Variants in RANBP17 observed in about 807,000 individuals in gnomAD.
RANBP17 encodes RAN binding protein 17, also known as ran-binding protein 17.
A neutral mutation model predicts 141.2 loss-of-function variants in RANBP17; 158 were observed. The ratio of observed to expected loss-of-function variants is 1.12; its 90% CI spans 0.98 to 1.28. The LOEUF is 1.28. Ranked by LOEUF, RANBP17 falls within the 50% of genes most tolerant of loss-of-function variation. The pLI is 0.00. For synonymous variants in RANBP17, 430 were observed against 450.0 expected, an observed-to-expected ratio of 0.96 and a Z score of 0.56; for missense variants, 1,438 against 1,290.7, an observed-to-expected ratio of 1.11 and a Z score of -1.75.
At chr5:170,868,417 TTTGTTGTTGTTG>T (rs371693546) in intron 1 of RANBP17, among the ~76,000 whole-genome samples, 1 of 151,510 alleles carries the variant, frequency 6.6e-6, no homozygotes, top group African/African-American at 2.4e-5. Flanking sequence ...CCTGGCTGAT[TTTGTTGTTGTTG>T]TTGTTGTTGT....
chr5:171,245,025 A>G (rs1048657970), intron 24 of RANBP17, among the ~76,000 whole-genome samples: 12 of 151,908 alleles, frequency 7.9e-5, no homozygotes, highest in Non-Finnish European at 1.5e-5. Context: ...GCTACCCAGG[A>G]GGCTGAAGCA....
chr5:171,212,182 A>G (rs1364172827), intron 20 of RANBP17, among the ~76,000 whole-genome samples: 1 of 152,174 alleles, frequency 6.6e-6, no homozygotes. Flanking sequence ...TTGAAATCTG[A>G]CATTCAAATA....
chr5:171,182,024 A>G (rs898908568), intron 16 of RANBP17, among the ~76,000 whole-genome samples: 1 of 152,192 alleles, frequency 6.6e-6, no homozygotes, highest in Non-Finnish European at 1.5e-5. Flanking sequence ...TCATGTTCCA[A>G]TGTGTTTTCC....
Position 170,878,277 on chromosome 5 carries a change from G to A in RANBP17, c.165+34G>A, listed in dbSNP as rs1255701480. On this transcript the variant is annotated intron_variant, in intron 2 of 27. Transcript: ENST00000523189. ...TTGGTAACAATGATTAACCATGAAA[G>A]ATCAGTAGATGTATGTCATTGTTAA... 1.9e-5 allele frequency: 30 copies of A among 1,550,066 alleles called. 1 individual carries two copies. In the Middle Eastern group the frequency reaches 5.2e-4, roughly 27 times the overall value.
chr5:170,880,774 A>T (rs1561850344), intron 2 of RANBP17, among the ~76,000 whole-genome samples: 1 of 152,222 alleles, frequency 6.6e-6, no homozygotes, highest in Non-Finnish European at 1.5e-5. Flanking sequence ...TAAAAATTAG[A>T]TATTTGAAGT....
At chr5:171,298,305 T>C (rs548194756) in intron 27 of RANBP17, among the ~76,000 whole-genome samples, 22 of 152,330 alleles carry the variant, frequency 1.4e-4, no homozygotes, top group African/African-American at 5.3e-4. Flanking sequence ...CCCCCTCTTT[T>C]TCAGCTACTA....
chr5:171,165,331 G>A (rs193083389), intron 14 of RANBP17, among the ~76,000 whole-genome samples: 2 of 151,684 alleles, frequency 1.3e-5, no homozygotes, highest in African/African-American at 4.8e-5. Flanking sequence ...ACAGGTACAC[G>A]CCACGACGCT....
chr5:171,112,694 A>G (rs1377819794), intron 14 of RANBP17, among the ~76,000 whole-genome samples: 1 of 151,988 alleles, frequency 6.6e-6, no homozygotes, highest in Non-Finnish European at 1.5e-5. Context: ...GCTTGTGGTA[A>G]CAATGACCTG....
chr5:171,145,335 C>T (rs1333625655), intron 14 of RANBP17, among the ~76,000 whole-genome samples: 2 of 152,120 alleles, frequency 1.3e-5, no homozygotes, highest in African/African-American at 4.8e-5. Flanking sequence ...GTCTCCAAAC[C>T]TTAGATCACC....
At chr5:171,240,413 G>A (rs1165292444) in intron 22 of RANBP17, among the ~76,000 whole-genome samples, 2 of 152,166 alleles carry the variant, frequency 1.3e-5, no homozygotes, top group Non-Finnish European at 2.9e-5. Context: ...AAGAACTTCT[G>A]TGTGTGTTAT....
chr5:171,290,439 T>C (rs1383993412), intron 25 of RANBP17, among the ~76,000 whole-genome samples: 1 of 152,008 alleles, frequency 6.6e-6, no homozygotes, highest in Non-Finnish European at 1.5e-5. Flanking sequence ...TCCAATTTGC[T>C]TTATGCTTGT....
At chr5:170,892,129 CTTTTTT>C (rs143842890) in intron 3 of RANBP17, among the ~76,000 whole-genome samples, 2 of 131,900 alleles carry the variant, frequency 1.5e-5, no homozygotes, top group Admixed American at 7.5e-5. Flanking sequence ...TCACAAAATT[CTTTTTT>C]TTTTTTTTTT....
intron 14 of RANBP17, among the ~76,000 whole-genome samples, chr5:171,164,613 G>A (rs774344305): frequency 8.6e-5 from 13 of 151,978 alleles, no homozygotes; most frequent in African/African-American, 2.2e-4. Context: ...AAATAAATAC[G>A]GCTAAGAAAA....
chr5:170,913,416 A>T lies in RANBP17; in HGVS notation c.761-751A>T, dbSNP rs113940086. 4.5e-3 allele frequency among the ~76,000 whole-genome samples: 691 copies of T among 152,168 alleles called. 5 individuals are homozygous for T. The highest frequency in any genetic ancestry group is 0.016 in the African/African-American group (663 of 41,564). On this transcript the variant is annotated intron_variant, in intron 7 of 27. Coordinates refer to ENST00000523189, the MANE Select transcript of RANBP17 (RefSeq NM_022897.5). ...AACATGTTATGAAGAACATTGTGCCAGTCTCTCAGAGCATTTGGAGAGAAT... is the reference window on the plus strand; with the variant it reads ...AACATGTTATGAAGAACATTGTGCCTGTCTCTCAGAGCATTTGGAGAGAAT...
rs1561596557 is a variant in RANBP17 at position 171,053,910 on chromosome 5, TATATATATATATATA to T, written c.1710+85536_1710+85550del. ...ATATATATATATATATATATATATA[TATATATATATATATA>T]ATTGCTGTATTTGATGCATATATGC... is the stretch of plus-strand genomic sequence containing the variant. On this transcript the variant is annotated intron_variant, in intron 14 of 27. Transcript: ENST00000523189. Among the ~76,000 whole-genome samples, 176 of 135,590 alleles carry T rather than the reference TATATATATATATATA, an allele frequency of 1.3e-3. 4 individuals carry two copies. The highest frequency in any genetic ancestry group is 3.7e-3 in the African/African-American group (130 of 34,930). The allele number at this position is 135,590 out of a possible 152,430, so 89.0% of individuals were successfully genotyped here.
intron 25 of RANBP17, among the ~76,000 whole-genome samples, chr5:171,268,946 G>A (rs536882469): frequency 1.3e-5 from 2 of 152,100 alleles, no homozygotes; most frequent in African/African-American, 2.4e-5. Context: ...TGCATTTGTT[G>A]GTTTAAGTAA....
chr5:170,915,193 G>C (rs1771851429), intron 8 of RANBP17, among the ~76,000 whole-genome samples: 1 of 152,100 alleles, frequency 6.6e-6, no homozygotes, highest in African/African-American at 2.4e-5. Flanking sequence ...AACAAAAAAG[G>C]TACTAGTGCT....
At chr5:171,135,806 C>G (rs530630477) in intron 14 of RANBP17, among the ~76,000 whole-genome samples, 18 of 152,224 alleles carry the variant, frequency 1.2e-4, no homozygotes, top group Middle Eastern at 3.4e-3. Context: ...GAAAGAAGTC[C>G]TAGCTGAGGC....
intron 14 of RANBP17, among the ~76,000 whole-genome samples, chr5:171,048,845 G>A (rs1043570530): frequency 1.3e-5 from 2 of 152,144 alleles, no homozygotes; most frequent in African/African-American, 4.8e-5. Context: ...AGTGCACAGT[G>A]TGTATGTGCC....
Sources: allele counts gnomAD v4.1 joint callset (sites outside exome capture counted in the v4.1 genomes callset), GRCh38; gene constraint gnomAD v4.1.1; transcripts MANE v1.5; gene names NCBI Gene and HGNC (gene_info 2026-07-23, HGNC 2026-07-21).